Variants in CFAP44 observed in about 807,000 individuals in gnomAD.
The protein encoded by CFAP44 is cilia- and flagella-associated protein 44.
CFAP44 carries 134 observed loss-of-function variants against 216.2 expected under a neutral mutation model. That is an observed-to-expected ratio of 0.62 (90% CI 0.54 to 0.72). The LOEUF is 0.72. Among genes scored for constraint, CFAP44 ranks in the 30% least tolerant of loss-of-function variants. The pLI is 0.00. For synonymous variants in CFAP44, 700 were observed against 727.6 expected (o/e 0.96, Z 0.61); for missense variants, 2,035 against 2,182.1 (o/e 0.93, Z 1.34).
At position 113,379,297 on chromosome 3, in the gene CFAP44, G is replaced by T. The variant is rs1248716623; in HGVS notation, c.2298+9C>A. 1.3e-6 allele frequency: 2 copies of T among 1,540,448 alleles called. No individual in the cohort carries two copies. Among genetic ancestry groups the T allele is most frequent in the East Asian group, 4.5e-5 (2 of 44,060 alleles). Reference sequence around the variant, plus strand: ...TGATTGAGGTAAAAATTATTACATTGTTACTTACCAAAGAAACCCAGAACT... The same window carrying T: ...TGATTGAGGTAAAAATTATTACATTTTTACTTACCAAAGAAACCCAGAACT... On this transcript the variant is annotated intron_variant, in intron 17 of 34. Transcript: ENST00000393845.
rs769662656 is a variant in CFAP44 at position 113,380,880 on chromosome 3, C to T, written c.2052+19G>A. ...GAAAGGAAATTATTATAAGATAATGCTTCAGGAATATTCCATACCAGAATC... is the reference window on the plus strand; with the variant it reads ...GAAAGGAAATTATTATAAGATAATGTTTCAGGAATATTCCATACCAGAATC... On this transcript the variant is annotated intron_variant, in intron 16 of 34. Coordinates refer to ENST00000393845, the MANE Select transcript of CFAP44 (RefSeq NM_001164496.2). 3.1e-5 allele frequency: 47 copies of T among 1,528,390 alleles called. 2 individuals carry two copies. In the South Asian group the frequency reaches 5.8e-4, roughly 19 times the overall value. 94.7% of individuals were successfully genotyped at this position (1,528,390 alleles called of 1,614,324 possible). A position where few individuals can be genotyped will look rare whatever the true frequency, so the allele number is the denominator to read the frequency against.
At chr3:113,346,824 G>A (rs370266709) in intron 22 of CFAP44, among the ~76,000 whole-genome samples, 24 of 152,328 alleles carry the variant, frequency 1.6e-4, no homozygotes, top group East Asian at 3.9e-4. Flanking sequence ...AGCCAGCAGC[G>A]GCAAACCACT....
At chr3:113,302,457 TAA>T (rs60866565) in intron 32 of CFAP44, among the ~76,000 whole-genome samples, 1,457 of 75,764 alleles carry the variant, frequency 0.019, 28 homozygotes, top group African/African-American at 0.055. Flanking sequence ...CTAGACAAAG[TAA>T]AAAAAAAAAA....
Position 113,401,204 on chromosome 3 carries a change from A to G in CFAP44, c.1374+36T>C, listed in dbSNP as rs746237104. 15 of 1,537,486 alleles carry G rather than the reference A, an allele frequency of 9.8e-6. No homozygotes were observed. In the South Asian group the frequency reaches 1.9e-4, roughly 19 times the overall value. On this transcript the variant is annotated intron_variant, in intron 11 of 34. Coordinates refer to ENST00000393845, the MANE Select transcript of CFAP44 (RefSeq NM_001164496.2). ...ACAAATAACAAAAGTTTTTACTATG[A>G]AAGTTAGGAGAAAATAAGAATAATA... is the stretch of plus-strand genomic sequence containing the variant.
At position 113,330,070 on chromosome 3, in the gene CFAP44, T is replaced by C. The variant is rs955788290; in HGVS notation, c.4116+98A>G. 4 of 1,398,754 alleles carry C rather than the reference T, an allele frequency of 2.9e-6. No homozygotes were observed. In the African/African-American group the frequency reaches 5.8e-5, roughly 20 times the overall value. The allele number at this position is 1,398,754 out of a possible 1,614,324, so 86.6% of individuals were successfully genotyped here. A position where few individuals can be genotyped will look rare whatever the true frequency, so the allele number is the denominator to read the frequency against. Reference sequence around the variant, plus strand: ...CTGGTCAGGGTTTGGGAAAGGTTCATGCAGAGAAATTTTAAATAAATAAAC... The same window carrying C: ...CTGGTCAGGGTTTGGGAAAGGTTCACGCAGAGAAATTTTAAATAAATAAAC... On this transcript the variant is annotated intron_variant, in intron 26 of 34. Coordinates refer to ENST00000393845, the MANE Select transcript of CFAP44 (RefSeq NM_001164496.2).
chr3:113,429,480 T>C (rs1274262896), intron 2 of CFAP44, among the ~76,000 whole-genome samples: 1 of 152,124 alleles, frequency 6.6e-6, no homozygotes, highest in Non-Finnish European at 1.5e-5. Context: ...TCTTTTTCTA[T>C]CCATTTACTT....
chr3:113,383,558 A>G (rs1375477159), intron 15 of CFAP44, among the ~76,000 whole-genome samples: 7 of 152,170 alleles, frequency 4.6e-5, no homozygotes, highest in Admixed American at 4.6e-4. Context: ...TATTGAAATA[A>G]AGAATTATAA....
chr3:113,332,531 C>T (rs1950248957), intron 25 of CFAP44, among the ~76,000 whole-genome samples: 2 of 152,186 alleles, frequency 1.3e-5, no homozygotes, highest in African/African-American at 4.8e-5. Context: ...TTGAAATGTG[C>T]AACCTCCACA....
At chr3:113,318,046 G>T (rs1356293386) in intron 28 of CFAP44, among the ~76,000 whole-genome samples, 1 of 147,202 alleles carries the variant, frequency 6.8e-6, no homozygotes, top group Non-Finnish European at 1.5e-5. Context: ...GCCACTACTG[G>T]TTTTTTTTTT....
At chr3:113,400,782 T>C in intron 11 of CFAP44, 138 bp from the exon 12 acceptor site, 7 of 773,640 alleles carry the variant, frequency 9.0e-6, no homozygotes, top group Non-Finnish European at 1.4e-5. Flanking sequence ...CCTAAAAAGT[T>C]AGAAAGAACA....
At chr3:113,427,141 T>C in intron 3 of CFAP44, 46 bp downstream of exon 3, 2 of 1,580,844 alleles carry the variant, frequency 1.3e-6, no homozygotes, top group South Asian at 1.2e-5. Flanking sequence ...CTGGGCTTTG[T>C]CTCTAAAACA....
At chr3:113,302,189 T>C (rs1222734376) in intron 32 of CFAP44, among the ~76,000 whole-genome samples, 4 of 152,046 alleles carry the variant, frequency 2.6e-5, no homozygotes, top group Non-Finnish European at 4.4e-5. Flanking sequence ...GACACTTAGG[T>C]TGATTCCGTG....
At chr3:113,380,652 C>T (rs34049435) in intron 16 of CFAP44, among the ~76,000 whole-genome samples, 17,269 of 152,142 alleles carry the variant, frequency 0.11, 1,076 homozygotes, top group Non-Finnish European at 0.15. Context: ...TGACCTCCTC[C>T]CATCCCTCTA....
intron 22 of CFAP44, among the ~76,000 whole-genome samples, chr3:113,353,960 A>G (rs1039237760): frequency 6.6e-6 from 1 of 152,084 alleles, no homozygotes; most frequent in African/African-American, 2.4e-5. Context: ...GTTCCCATAA[A>G]CCTGATAATA....
intron 15 of CFAP44, among the ~76,000 whole-genome samples, chr3:113,394,984 A>C (rs1189432686): frequency 6.6e-6 from 1 of 152,252 alleles, no homozygotes; most frequent in African/African-American, 2.4e-5. Context: ...TACAGTGCCT[A>C]GAAAAGATAG....
chr3:113,328,717 A>ACAAAAC (rs1950213890), intron 26 of CFAP44, among the ~76,000 whole-genome samples: 1 of 146,200 alleles, frequency 6.8e-6, no homozygotes, highest in African/African-American at 2.6e-5. Flanking sequence ...AAAAAAAAAA[A>ACAAAAC]AAAAAAAAAA....
chr3:113,363,644 C>T, intron 19 of CFAP44, 112 bp from the exon 20 acceptor site: 3 of 940,474 alleles, frequency 3.2e-6, no homozygotes, highest in Non-Finnish European at 4.5e-6. Flanking sequence ...TCTTTTTCTG[C>T]CAATTTCTAA....
chr3:113,399,890 A>T lies in CFAP44; in HGVS notation c.1569+16T>A, dbSNP rs774648794. The T allele has an allele frequency of 6.5e-7, 1 of 1,540,328 alleles. No homozygotes were observed. The highest frequency in any genetic ancestry group is 1.2e-5 in the South Asian group (1 of 80,276). On this transcript the variant is annotated intron_variant, in intron 13 of 34. Coordinates refer to ENST00000393845, the MANE Select transcript of CFAP44 (RefSeq NM_001164496.2). The stretch of plus-strand genomic sequence containing the variant: ...TACCAATAGATTCTGGTAGTTCATT[A>T]TAACAACAAACTTACCATTCGGGGT...
At chr3:113,439,747 G>T (rs934318666) in intron 1 of CFAP44, among the ~76,000 whole-genome samples, 1 of 152,218 alleles carries the variant, frequency 6.6e-6, no homozygotes, top group Non-Finnish European at 1.5e-5. Flanking sequence ...AGGTTGGCTA[G>T]ACGCCAGACA....
Sources: allele counts gnomAD v4.1 joint callset (sites outside exome capture counted in the v4.1 genomes callset), GRCh38; gene constraint gnomAD v4.1.1; transcripts MANE v1.5; gene names NCBI Gene and HGNC (gene_info 2026-07-23, HGNC 2026-07-21).